Variants in ATP13A4 observed in about 807,000 individuals in gnomAD.
ATP13A4 encodes ATPase 13A4.
In ATP13A4, 114 loss-of-function variants were observed where a neutral mutation model predicts 142.5. The ratio of observed to expected loss-of-function variants is 0.80; its 90% CI spans 0.69 to 0.93. The LOEUF is 0.93. ATP13A4 is among the 40% of genes least tolerant of loss of function. The pLI is 0.00. For synonymous variants in ATP13A4, 488 were observed against 514.8 expected (o/e 0.95, Z 0.70); for missense variants, 1,392 against 1,454.0 (o/e 0.96, Z 0.69).
At chr3:193,496,741 A>AGATC (rs1414881451) in intron 3 of ATP13A4, among the ~76,000 whole-genome samples, 2 of 152,140 alleles carry the variant, frequency 1.3e-5, no homozygotes, top group African/African-American at 4.8e-5. Context: ...CAGTAAGCCG[A>AGATC]GATCGTGCCA....
intron 8 of ATP13A4, among the ~76,000 whole-genome samples, chr3:193,480,254 T>C (rs966059248): frequency 2.0e-5 from 3 of 151,750 alleles, no homozygotes; most frequent in Admixed American, 1.3e-4. Context: ...AATAAATAAA[T>C]AAAGATAAAT....
chr3:193,420,096 GA>G (rs1715331429), intron 25 of ATP13A4, among the ~76,000 whole-genome samples: 1 of 149,838 alleles, frequency 6.7e-6, no homozygotes, highest in African/African-American at 2.5e-5. Context: ...TCTCCAAGGA[GA>G]AAAATCCTGA....
chr3:193,409,638 C>T (rs1288092832), intron 28 of ATP13A4, among the ~76,000 whole-genome samples: 1 of 152,160 alleles, frequency 6.6e-6, no homozygotes, highest in South Asian at 2.1e-4. Flanking sequence ...ATTTAATTCA[C>T]GAAGGCACTT....
At chr3:193,479,836 C>A (rs1439204131) in intron 8 of ATP13A4, among the ~76,000 whole-genome samples, 1 of 152,118 alleles carries the variant, frequency 6.6e-6, no homozygotes, top group Non-Finnish European at 1.5e-5. Context: ...AAGAACAAAT[C>A]TGGAGGTATC....
chr3:193,447,653 A>T (rs904741121), intron 18 of ATP13A4, among the ~76,000 whole-genome samples: 5 of 152,210 alleles, frequency 3.3e-5, no homozygotes, highest in Non-Finnish European at 7.3e-5. Flanking sequence ...TTTCATTAAG[A>T]AATTTCACAC....
chr3:193,438,711 T>A, intron 22 of ATP13A4, 127 bp from the exon 23 acceptor site: 1 of 811,300 alleles, frequency 1.2e-6, no homozygotes, highest in Non-Finnish European at 2.1e-6. Flanking sequence ...CCAAGAGACT[T>A]AACCCTGCCT....
chr3:193,556,363 ATGTG>A (rs1335651509), upstream of ATP13A4, among the ~76,000 whole-genome samples: 8 of 151,996 alleles, frequency 5.3e-5, no homozygotes, highest in Admixed American at 3.3e-4. Flanking sequence ...CAATGTGTGC[ATGTG>A]TGTGTGTGTA....
chr3:193,401,825 C>A lies in ATP13A4; in HGVS notation c.*827G>T, dbSNP rs1714271294. ...GCATCCCTAAACACAGGAGACTGCACTTTCCAGCTCCCTGGCCAAATCCTT... is the reference window on the plus strand; with the variant it reads ...GCATCCCTAAACACAGGAGACTGCAATTTCCAGCTCCCTGGCCAAATCCTT... On this transcript the variant is annotated 3_prime_UTR_variant, in exon 30 of 30. Transcript: ENST00000342695. 6.6e-6 allele frequency among the ~76,000 whole-genome samples: 1 copy of A among 152,208 alleles called. No homozygotes were observed. The highest frequency in any genetic ancestry group is 1.5e-5 in the Non-Finnish European group (1 of 68,034).
intron 19 of ATP13A4, 59 bp downstream of exon 19, chr3:193,442,334 A>G: frequency 6.4e-7 from 1 of 1,555,364 alleles, no homozygotes; most frequent in Non-Finnish European, 8.9e-7. Context: ...AAAGCTGCTC[A>G]GTCACCAACA....
intron 11 of ATP13A4, 49 bp from the exon 12 acceptor site, chr3:193,465,177 A>G: frequency 6.3e-7 from 1 of 1,578,660 alleles, no homozygotes. Context: ...TCTGATGAAC[A>G]GCATATGACT....
rs1404845410 is a variant in ATP13A4, at chr3:193,554,454, A to C, written c.60+286T>G. ...CAATGAGGCTCAAACAAGAATCATA[A>C]AGTGCATGGTGCTTCTCTCCCTCTC... is the stretch of plus-strand genomic sequence containing the variant. On this transcript the variant is annotated intron_variant, in intron 1 of 29. Coordinates refer to ENST00000342695, the MANE Select transcript of ATP13A4 (RefSeq NM_032279.4). 5.5e-5 allele frequency: 27 copies of C among 490,668 alleles called. No homozygotes were observed. In the Admixed American group the frequency reaches 8.9e-4, roughly 16 times the overall value. 30.4% of individuals were successfully genotyped at this position (490,668 alleles called of 1,614,324 possible). A position where few individuals can be genotyped will look rare whatever the true frequency, so the allele number is the denominator to read the frequency against.
At chr3:193,417,741 T>C (rs1170345095) in intron 25 of ATP13A4, among the ~76,000 whole-genome samples, 1 of 137,166 alleles carries the variant, frequency 7.3e-6, no homozygotes, top group African/African-American at 2.7e-5. Flanking sequence ...ATCCCAGCAC[T>C]TCGGGAGGCC....
chr3:193,585,312 C>T (rs7618541), intron 1 of ATP13A4, among the ~76,000 whole-genome samples: 65,539 of 151,614 alleles, frequency 0.43, 14,372 homozygotes, highest in Non-Finnish European at 0.44. Context: ...CCCAGCTACT[C>T]AGAAGGCCAA....
At chr3:193,459,377 G>A in intron 13 of ATP13A4, 146 bp from the exon 14 acceptor site, 2 of 1,079,164 alleles carry the variant, frequency 1.9e-6, no homozygotes. Context: ...CACATTAATA[G>A]TGCTTCATTC....
Position 193,573,774 on chromosome 3 carries a change from T to C in ATP13A4, n.291+7933A>G, listed in dbSNP as rs113796639. Among the ~76,000 whole-genome samples the C allele has an allele frequency of 3.3e-5, 5 of 152,342 alleles. 1 individual carries two copies. The highest frequency in any genetic ancestry group is 9.6e-5 in the African/African-American group (4 of 41,570). On this transcript the variant is annotated intron_variant and non_coding_transcript_variant, in intron 2 of 3. Coordinates refer to the ATP13A4 transcript ENST00000489140. ...ATATCATTCATTCTTCCAAAATCGA[T>C]TATTTATAAAATAAAATTTAGCCTT...
intron 25 of ATP13A4, among the ~76,000 whole-genome samples, chr3:193,416,384 C>T (rs186031476): frequency 1.3e-5 from 2 of 152,210 alleles, no homozygotes; most frequent in East Asian, 3.9e-4. Context: ...GACTTTAAAA[C>T]AACTATCTTA....
At chr3:193,584,471 G>T (rs1724631017) in intron 1 of ATP13A4, among the ~76,000 whole-genome samples, 1 of 152,146 alleles carries the variant, frequency 6.6e-6, no homozygotes, top group Non-Finnish European at 1.5e-5. Flanking sequence ...GGGGTAATTT[G>T]TTACAGCAGC....
At chr3:193,510,243 GGC>G (rs1226617566) in intron 2 of ATP13A4, among the ~76,000 whole-genome samples, 2 of 152,108 alleles carry the variant, frequency 1.3e-5, no homozygotes, top group Non-Finnish European at 2.9e-5. Flanking sequence ...GTGGCTGATT[GGC>G]AGAGTTTCTA....
chr3:193,499,238 T>A (rs1188661675), intron 3 of ATP13A4, among the ~76,000 whole-genome samples: 1 of 152,198 alleles, frequency 6.6e-6, no homozygotes, highest in Admixed American at 6.5e-5. Context: ...GAATTTCCAG[T>A]AGGAATGACA....
Sources: gnomAD v4.1 joint callset for allele counts (sites outside exome capture counted in the v4.1 genomes callset) on GRCh38, gnomAD v4.1.1 for gene constraint, MANE v1.5 for transcripts, NCBI Gene and HGNC (gene_info 2026-07-23, HGNC 2026-07-21) for gene names.